DAB1: variants seen among roughly 807,000 people sequenced by gnomAD.
DAB1 encodes the protein disabled homolog 1.
A neutral mutation model predicts 64.6 loss-of-function variants in DAB1; 15 were observed. The observed-to-expected ratio is 0.23, with a 90% CI of 0.16 to 0.36. DAB1 has a LOEUF of 0.36. DAB1 is among the 10% of genes least tolerant of loss of function. The pLI, the probability that DAB1 is intolerant of heterozygous loss-of-function variation, is 1.00. For synonymous variants in DAB1, 235 were observed against 251.9 expected (o/e 0.93, Z 0.64); for missense variants, 596 against 706.7 (o/e 0.84, Z 1.78).
intron 5 of DAB1, among the ~76,000 whole-genome samples, chr1:57,936,550 C>A (rs1645027330): frequency 2.0e-5 from 3 of 152,108 alleles, no homozygotes; most frequent in Non-Finnish European, 4.4e-5. Flanking sequence ...CGCCACCACG[C>A]CCAGCTAATT....
intron 6 of DAB1, among the ~76,000 whole-genome samples, chr1:57,686,888 G>C (rs1646703498): frequency 6.6e-6 from 1 of 152,018 alleles, no homozygotes; most frequent in South Asian, 2.1e-4. Context: ...GGCATCAAAG[G>C]AACATACCTC....
Position 57,668,973 on chromosome 1 carries a change from C to T in DAB1, n.552-19308G>A, listed in dbSNP as rs140404681. Among the ~76,000 whole-genome samples, 1,055 of 152,124 alleles carry T rather than the reference C, an allele frequency of 6.9e-3. 13 individuals are homozygous for T. The highest frequency in any genetic ancestry group is 0.024 in the African/African-American group (1,012 of 41,486). On this transcript the variant is annotated intron_variant and non_coding_transcript_variant, in intron 6 of 20. Coordinates refer to the DAB1 transcript ENST00000485760. ...AAATAGCTCCCTTTTTATAAATGGG[C>T]AAAGCTGTGAGATTTCCATGCGAGC... is the stretch of plus-strand genomic sequence containing the variant.
rs1667755034 is a variant in DAB1 at position 57,232,443 on chromosome 1, G to C, written c.67+58521C>G. ...TATATTTACTATGCAACTACTACCT[G>C]AAGGATATTCTGCTAGACAACGGGA... On this transcript the variant is annotated intron_variant, in intron 2 of 14. Coordinates refer to ENST00000371236, the MANE Select transcript of DAB1 (RefSeq NM_001365792.1). 2.0e-5 allele frequency among the ~76,000 whole-genome samples: 3 copies of C among 151,954 alleles called. No homozygotes were observed. In the South Asian group the frequency reaches 6.2e-4, roughly 32 times the overall value.
intron 5 of DAB1, among the ~76,000 whole-genome samples, chr1:58,089,028 G>A (rs562620045): frequency 1.3e-5 from 2 of 152,344 alleles, no homozygotes; most frequent in African/African-American, 2.4e-5. Context: ...AAGCCACAAC[G>A]CAGCAAAATA....
At chr1:57,712,816 C>T (rs1056650555) in intron 6 of DAB1, among the ~76,000 whole-genome samples, 5 of 152,128 alleles carry the variant, frequency 3.3e-5, no homozygotes, top group African/African-American at 1.2e-4. Context: ...AAGTTAGTGA[C>T]CAAGATGAAA....
At chr1:58,104,553 G>C (rs1297586634) in intron 5 of DAB1, among the ~76,000 whole-genome samples, 10 of 152,132 alleles carry the variant, frequency 6.6e-5, no homozygotes, top group Admixed American at 5.9e-4. Flanking sequence ...GTGTGCTTCT[G>C]TTCCACAGGA....
chr1:57,932,008 GC>G (rs1644959934), intron 5 of DAB1, among the ~76,000 whole-genome samples: 1 of 151,956 alleles, frequency 6.6e-6, no homozygotes, highest in South Asian at 2.1e-4. Flanking sequence ...TCTAAGCACA[GC>G]TTTCACCGCA....
At chr1:57,737,981 T>C (rs1454830013) in intron 6 of DAB1, among the ~76,000 whole-genome samples, 2 of 152,194 alleles carry the variant, frequency 1.3e-5, no homozygotes, top group African/African-American at 2.4e-5. Flanking sequence ...AGGTCCCAAG[T>C]TCTGCTGTGG....
chr1:57,471,438 T>C (rs1014381438), intron 7 of DAB1, among the ~76,000 whole-genome samples: 1 of 152,192 alleles, frequency 6.6e-6, no homozygotes, highest in Non-Finnish European at 1.5e-5. Flanking sequence ...GAATTAGAAT[T>C]GTGATGCACA....
At position 58,010,029 on chromosome 1, in the gene DAB1, C is replaced by T. The variant is rs532642723; in HGVS notation, n.388-125867G>A. 1.3e-4 allele frequency among the ~76,000 whole-genome samples: 20 copies of T among 152,296 alleles called. No individual in the cohort carries two copies. The East Asian group carries it at 3.9e-3, about 29-fold the overall frequency. ...ACAAACATAGAGGTGAAGTAGATTGCTCCAATTCTCACAAATAGTCAGTAG... is the reference window on the plus strand; with the variant it reads ...ACAAACATAGAGGTGAAGTAGATTGTTCCAATTCTCACAAATAGTCAGTAG... On this transcript the variant is annotated intron_variant and non_coding_transcript_variant, in intron 5 of 20. Coordinates refer to the DAB1 transcript ENST00000485760.
intron 5 of DAB1, chr1:58,055,999 C>T (rs12022316): frequency 0.067 from 45,667 of 686,104 alleles, 2,160 homozygotes; most frequent in African/African-American, 0.16. Flanking sequence ...CGGCCTCACA[C>T]AGTGCTAAAA....
At chr1:57,090,316 C>T (rs566038124) in intron 4 of DAB1, among the ~76,000 whole-genome samples, 1 of 152,298 alleles carries the variant, frequency 6.6e-6, no homozygotes, top group South Asian at 2.1e-4. Context: ...CACCTGCAAG[C>T]AGGTAAGCAC....
intron 7 of DAB1, among the ~76,000 whole-genome samples, chr1:57,548,424 C>G (rs1356750413): frequency 6.6e-6 from 1 of 152,062 alleles, no homozygotes; most frequent in African/African-American, 2.4e-5. Context: ...CTTTATTCAC[C>G]TTTTCAATCC....
chr1:57,347,114 A>G lies in DAB1; in HGVS notation c.-136-55948T>C, dbSNP rs1678174747. On this transcript the variant is annotated intron_variant, in intron 1 of 14. Coordinates refer to ENST00000371236, the MANE Select transcript of DAB1 (RefSeq NM_001365792.1). ...CAGGAAGGGAGAGCCCATTCAGTGC[A>G]GGGCCAGGGAAGGCACTTCTGGGGA... 2.0e-5 allele frequency among the ~76,000 whole-genome samples: 3 copies of G among 152,228 alleles called. No homozygotes were observed. The South Asian group carries it at 6.2e-4, about 31-fold the overall frequency.
rs1316286922 is a variant in DAB1, at chr1:57,237,771, G to T, written c.67+53193C>A. On this transcript the variant is annotated intron_variant, in intron 2 of 14. Transcript: ENST00000371236. ...AATTGTTCAAAAATACAAAGATTCTGAGAGGTTTGCACTTGAAAACCACAT... is the reference window on the plus strand; with the variant it reads ...AATTGTTCAAAAATACAAAGATTCTTAGAGGTTTGCACTTGAAAACCACAT... Among the ~76,000 whole-genome samples, 8 of 152,198 alleles carry T rather than the reference G, an allele frequency of 5.3e-5. 1 individual carries two copies. Among genetic ancestry groups the T allele is most frequent in the Admixed American group, 5.2e-4 (8 of 15,276 alleles).
intron 4 of DAB1, among the ~76,000 whole-genome samples, chr1:58,239,031 T>C (rs1356114621): frequency 2.0e-5 from 3 of 152,302 alleles, no homozygotes; most frequent in East Asian, 3.9e-4. Context: ...AGCAATACCA[T>C]GATATGATTG....
intron 1 of DAB1, among the ~76,000 whole-genome samples, chr1:57,394,951 G>A (rs1260521395): frequency 6.6e-6 from 1 of 152,128 alleles, no homozygotes; most frequent in African/African-American, 2.4e-5. Flanking sequence ...CTCTTAGAAA[G>A]GATATCATCA....
intron 5 of DAB1, among the ~76,000 whole-genome samples, chr1:58,091,599 C>A (rs915136215): frequency 1.3e-5 from 2 of 152,110 alleles, no homozygotes; most frequent in Non-Finnish European, 2.9e-5. Flanking sequence ...ACATGAGATC[C>A]ATCAATGTGA....
intron 2 of DAB1, among the ~76,000 whole-genome samples, chr1:57,246,629 G>A (rs1668898657): frequency 6.6e-6 from 1 of 152,196 alleles, no homozygotes; most frequent in Admixed American, 6.5e-5. Context: ...GAGGGACACT[G>A]TCCTCCAGAC....
Sources: gnomAD v4.1 joint callset for allele counts (sites outside exome capture counted in the v4.1 genomes callset) on GRCh38, gnomAD v4.1.1 for gene constraint, MANE v1.5 for transcripts, NCBI Gene and HGNC (gene_info 2026-07-23, HGNC 2026-07-21) for gene names.